The following ERI3 variants were observed in gnomAD, a reference collection of about 807,000 sequenced individuals.
The protein encoded by ERI3 is ERI1 exoribonuclease 3.
ERI3 carries 18 observed loss-of-function variants against 44.4 expected under a neutral mutation model. That is an observed-to-expected ratio of 0.41 (90% CI 0.28 to 0.60). The LOEUF (loss-of-function observed/expected upper bound fraction) is 0.60, where lower values mean the gene tolerates loss of function less well. Ranked by LOEUF, ERI3 falls within the 20% of genes least tolerant of loss-of-function variation. The pLI, the probability that ERI3 is intolerant of heterozygous loss-of-function variation, is 0.36. For synonymous variants in ERI3, 183 were observed against 164.8 expected (o/e 1.11, Z -0.84); for missense variants, 294 against 435.5 (o/e 0.68, Z 2.89).
chr1:44,259,283 G>A (rs1256328326), intron 7 of ERI3, among the ~76,000 whole-genome samples: 2 of 152,102 alleles, frequency 1.3e-5, no homozygotes, highest in African/African-American at 4.8e-5. Flanking sequence ...CTGCCTGGCT[G>A]CCTGGCTGAC....
intron 6 of ERI3, among the ~76,000 whole-genome samples, chr1:44,295,874 T>G (rs1349009922): frequency 6.6e-6 from 1 of 152,200 alleles, no homozygotes; most frequent in Non-Finnish European, 1.5e-5. Context: ...CAGCTGAGCA[T>G]TCAAGGGTCT....
intron 7 of ERI3, among the ~76,000 whole-genome samples, chr1:44,261,302 G>A (rs1039611580): frequency 3.9e-5 from 6 of 152,378 alleles, no homozygotes; most frequent in South Asian, 2.1e-4. Context: ...AGGAAGGCGC[G>A]AGTCAGTCTG....
intron 3 of ERI3, among the ~76,000 whole-genome samples, chr1:44,332,905 C>T (rs1646460056): frequency 6.6e-6 from 1 of 152,176 alleles, no homozygotes; most frequent in South Asian, 2.1e-4. Flanking sequence ...AGTGGGCCAC[C>T]CCATTCCCAC....
intron 3 of ERI3, among the ~76,000 whole-genome samples, chr1:44,322,081 C>G (rs929228499): frequency 5.3e-5 from 8 of 152,022 alleles, no homozygotes; most frequent in African/African-American, 1.9e-4. Context: ...TTTACAAGCA[C>G]ATGGTTTGTT....
At chr1:44,317,163 C>T (rs1646106937) in intron 4 of ERI3, among the ~76,000 whole-genome samples, 1 of 152,056 alleles carries the variant, frequency 6.6e-6, no homozygotes, top group South Asian at 2.1e-4. Context: ...CACACACACA[C>T]ACACTGGGGT....
chr1:44,254,451 A>C (rs1194314175), intron 7 of ERI3, among the ~76,000 whole-genome samples: 6 of 152,120 alleles, frequency 3.9e-5, no homozygotes, highest in African/African-American at 1.4e-4. Context: ...TTTTCTACTA[A>C]GCCTGAACCC....
intron 7 of ERI3, among the ~76,000 whole-genome samples, chr1:44,282,873 AC>A (rs1645317621): frequency 6.6e-6 from 1 of 152,108 alleles, no homozygotes; most frequent in African/African-American, 2.4e-5. Flanking sequence ...CTGCAGGGGA[AC>A]CAAACTGAAC....
chr1:44,310,290 T>C (rs181105960), intron 5 of ERI3, among the ~76,000 whole-genome samples: 236 of 152,312 alleles, frequency 1.5e-3, no homozygotes, highest in Middle Eastern at 3.4e-3. Context: ...TGGTGGAACA[T>C]AGTAGAGGAT....
rs554557328 is a variant in ERI3 at position 44,243,121 on chromosome 1, C to A, written c.931+4818G>T. 8.5e-5 allele frequency among the ~76,000 whole-genome samples: 13 copies of A among 152,352 alleles called. No homozygotes were observed. The East Asian group carries it at 2.5e-3, about 29-fold the overall frequency. ...GGGAGACCACAGGCCAGCCCACTGC[C>A]CCCCTGGGGCCCAGGCCCCCACCCT... On this transcript the variant is annotated intron_variant, in intron 8 of 8. Coordinates refer to ENST00000372257, the MANE Select transcript of ERI3 (RefSeq NM_024066.3).
chr1:44,277,817 G>A (rs922952000), intron 7 of ERI3, among the ~76,000 whole-genome samples: 2 of 152,050 alleles, frequency 1.3e-5, no homozygotes, highest in Non-Finnish European at 1.5e-5. Flanking sequence ...TTTCATCATC[G>A]CTCCATGCCT....
chr1:44,273,829 A>G (rs1436884706), intron 7 of ERI3, among the ~76,000 whole-genome samples: 1 of 152,234 alleles, frequency 6.6e-6, no homozygotes, highest in East Asian at 1.9e-4. Context: ...CGATGTAAGA[A>G]AAGGGAACAG....
intron 6 of ERI3, among the ~76,000 whole-genome samples, chr1:44,293,694 G>A (rs780905405): frequency 2.9e-4 from 44 of 152,210 alleles, no homozygotes; most frequent in Non-Finnish European, 6.2e-4. Context: ...CCTACAACTA[G>A]AAAGCAGTAA....
chr1:44,226,487 A>C (rs1442989693), intron 8 of ERI3, among the ~76,000 whole-genome samples: 1 of 152,166 alleles, frequency 6.6e-6, no homozygotes, highest in African/African-American at 2.4e-5. Context: ...ATAATGGCCC[A>C]GAACAGGCCA....
intron 5 of ERI3, among the ~76,000 whole-genome samples, chr1:44,311,736 C>T (rs1645977480): frequency 1.3e-5 from 2 of 152,142 alleles, no homozygotes; most frequent in South Asian, 4.2e-4. Context: ...TACAGATGTT[C>T]CAGGAAAAAG....
intron 6 of ERI3, among the ~76,000 whole-genome samples, chr1:44,294,867 T>A (rs1333819552): frequency 6.6e-6 from 1 of 152,252 alleles, no homozygotes; most frequent in Non-Finnish European, 1.5e-5. Flanking sequence ...ATCTTGACCC[T>A]ATGCCTGAAC....
intron 1 of ERI3, 63 bp from the exon 2 acceptor site, chr1:44,352,988 A>G: frequency 6.2e-7 from 1 of 1,609,956 alleles, no homozygotes; most frequent in Non-Finnish European, 8.5e-7. Flanking sequence ...AATCCCCATG[A>G]AGGATACTAC....
chr1:44,295,778 T>A (rs994560473), intron 6 of ERI3, among the ~76,000 whole-genome samples: 2 of 152,112 alleles, frequency 1.3e-5, no homozygotes, highest in Admixed American at 6.5e-5. Context: ...TTGGGAAAAA[T>A]GCAACAAATT....
At chr1:44,334,516 C>T (rs1393389865) in intron 3 of ERI3, among the ~76,000 whole-genome samples, 1 of 152,208 alleles carries the variant, frequency 6.6e-6, no homozygotes, top group Non-Finnish European at 1.5e-5. Flanking sequence ...AAAGGAGCCA[C>T]ATTCCTGAAA....
chr1:44,344,641 T>TA, intron 2 of ERI3, among the ~76,000 whole-genome samples: 1 of 152,254 alleles, frequency 6.6e-6, no homozygotes, highest in Non-Finnish European at 1.5e-5. Context: ...TTGCAGGCTA[T>TA]AAGTCTATAG....
Sources: allele counts gnomAD v4.1 joint callset (sites outside exome capture counted in the v4.1 genomes callset), GRCh38; gene constraint gnomAD v4.1.1; transcripts MANE v1.5; gene names NCBI Gene and HGNC (gene_info 2026-07-23, HGNC 2026-07-21).